Variants in PCDH9 observed in about 807,000 individuals in gnomAD.
The protein encoded by PCDH9 is protocadherin 9.
Under a neutral mutation model 70.6 loss-of-function variants are expected in PCDH9, and 24 were observed. The observed-to-expected ratio is 0.34, with a 90% CI of 0.25 to 0.48. The LOEUF is 0.48. PCDH9 is among the 20% of genes least tolerant of loss of function. PCDH9 has a pLI of 0.99. For missense variants in PCDH9, 1,281 were observed against 1,503.6 expected (o/e 0.85, Z 2.45); for synonymous variants, 562 against 558.5 (o/e 1.01, Z -0.09).
intron 2 of PCDH9, among the ~76,000 whole-genome samples, chr13:67,142,771 C>T (rs976536158): frequency 2.0e-5 from 3 of 150,518 alleles, no homozygotes; most frequent in Non-Finnish European, 3.0e-5. Flanking sequence ...GAGGCCGAGG[C>T]GGGCGGACCA....
chr13:66,950,387 T>C (rs1226264233), intron 2 of PCDH9, among the ~76,000 whole-genome samples: 1 of 152,152 alleles, frequency 6.6e-6, no homozygotes, highest in Non-Finnish European at 1.5e-5. Context: ...AAAATCACTA[T>C]TGTTATGCTA....
intron 3 of PCDH9, among the ~76,000 whole-genome samples, chr13:66,890,479 C>A: frequency 7.8e-6 from 1 of 128,664 alleles, no homozygotes; most frequent in Admixed American, 8.5e-5. Context: ...TTGGTTAAGG[C>A]ATTTACTCTA....
At chr13:67,147,119 AT>A (rs2087541397) in intron 2 of PCDH9, among the ~76,000 whole-genome samples, 1 of 152,086 alleles carries the variant, frequency 6.6e-6, no homozygotes, top group African/African-American at 2.4e-5. Flanking sequence ...GCATTTTTTT[AT>A]TCTGCAAGTA....
intron 3 of PCDH9, among the ~76,000 whole-genome samples, chr13:66,746,744 A>G (rs1827586637): frequency 6.6e-6 from 1 of 152,206 alleles, no homozygotes; most frequent in Non-Finnish European, 1.5e-5. Context: ...GTAGTAATAA[A>G]TATTTTCACT....
chr13:66,974,970 A>G (rs1324466169), intron 2 of PCDH9, among the ~76,000 whole-genome samples: 1 of 152,066 alleles, frequency 6.6e-6, no homozygotes, highest in Non-Finnish European at 1.5e-5. Context: ...TGACACTAAT[A>G]AAAGCCTGTC....
intron 3 of PCDH9, among the ~76,000 whole-genome samples, chr13:66,830,437 G>A (rs1237195351): frequency 2.0e-5 from 3 of 151,896 alleles, no homozygotes; most frequent in South Asian, 2.1e-4. Flanking sequence ...AATTCTCAAC[G>A]TTAATAAATA....
chr13:67,092,505 A>T (rs1454459552), intron 2 of PCDH9, among the ~76,000 whole-genome samples: 4 of 152,198 alleles, frequency 2.6e-5, no homozygotes, highest in Non-Finnish European at 5.9e-5. Flanking sequence ...CTAAGAGAGC[A>T]AAGCAAAAAT....
intron 2 of PCDH9, among the ~76,000 whole-genome samples, chr13:67,090,693 T>C (rs766608576): frequency 3.3e-5 from 5 of 151,906 alleles, no homozygotes; most frequent in Non-Finnish European, 7.4e-5. Flanking sequence ...AAAAAAATCA[T>C]TAAGCATATC....
intron 2 of PCDH9, among the ~76,000 whole-genome samples, chr13:67,123,967 A>C (rs770094257): frequency 1.3e-5 from 2 of 152,066 alleles, no homozygotes; most frequent in Non-Finnish European, 2.9e-5. Flanking sequence ...TTCACAAAAT[A>C]TCTGAAGAGT....
At chr13:66,774,337 CCTT>C (rs997070789) in intron 3 of PCDH9, among the ~76,000 whole-genome samples, 1 of 152,096 alleles carries the variant, frequency 6.6e-6, no homozygotes, top group Non-Finnish European at 1.5e-5. Context: ...ATGTGAATCA[CCTT>C]CTGCTTCTGT....
intron 4 of PCDH9, among the ~76,000 whole-genome samples, chr13:66,558,055 T>C (rs1366267009): frequency 6.6e-6 from 1 of 152,106 alleles, no homozygotes; most frequent in Non-Finnish European, 1.5e-5. Context: ...CTCAGGAGCC[T>C]GAGGCAGAAG....
In PCDH9 at chr13:66,339,226, GAAC is replaced by G. The variant is rs201140504; in HGVS notation, c.3341-34201_3341-34199del. Among the ~76,000 whole-genome samples the G allele has an allele frequency of 6.9e-3, 923 of 133,728 alleles. 5 individuals are homozygous for G. The highest frequency in any genetic ancestry group is 0.019 in the Middle Eastern group (5 of 258). The allele number at this position is 133,728 out of a possible 152,430, so 87.7% of individuals were successfully genotyped here. On this transcript the variant is annotated intron_variant, in intron 4 of 4. Transcript: ENST00000377865. The stretch of plus-strand genomic sequence containing the variant: ...TCATTTTTATTGTCTGTAGTAATGA[GAAC>G]AACAACAACAAAAAAACAGTATTAC...
intron 4 of PCDH9, among the ~76,000 whole-genome samples, chr13:66,449,397 C>A (rs1430654325): frequency 6.6e-6 from 1 of 151,920 alleles, no homozygotes; most frequent in East Asian, 1.9e-4. Flanking sequence ...TCTCTTTTTT[C>A]TTCTACTGTA....
intron 2 of PCDH9, among the ~76,000 whole-genome samples, chr13:67,121,143 T>G (rs2086870841): frequency 6.6e-6 from 1 of 152,182 alleles, no homozygotes; most frequent in African/African-American, 2.4e-5. Flanking sequence ...GATAATCTTT[T>G]CATCTTTTTC....
chr13:66,369,383 C>T (rs937090607), intron 4 of PCDH9, among the ~76,000 whole-genome samples: 3 of 152,056 alleles, frequency 2.0e-5, no homozygotes, highest in Non-Finnish European at 2.9e-5. Context: ...TATGACATAA[C>T]ATTAGAATCA....
chr13:66,394,004 TAG>T (rs767119796), intron 4 of PCDH9, among the ~76,000 whole-genome samples: 6 of 152,116 alleles, frequency 3.9e-5, no homozygotes, highest in Non-Finnish European at 8.8e-5. Context: ...ACGGGAGAAA[TAG>T]AGGGTTGTGA....
intron 4 of PCDH9, among the ~76,000 whole-genome samples, chr13:66,513,762 A>AAATAAGT (rs1959600403): frequency 6.7e-6 from 1 of 150,062 alleles, no homozygotes; most frequent in African/African-American, 2.4e-5. Flanking sequence ...TATGCCCTTG[A>AAATAAGT]AATAAGTTGA....
intron 4 of PCDH9, among the ~76,000 whole-genome samples, chr13:66,597,616 C>A (rs1474831442): frequency 4.0e-5 from 6 of 151,684 alleles, no homozygotes; most frequent in Non-Finnish European, 7.4e-5. Context: ...AGACCCGAAA[C>A]CATAAAACTC....
intron 2 of PCDH9, among the ~76,000 whole-genome samples, chr13:66,917,920 A>G (rs2082581474): frequency 1.3e-5 from 2 of 151,370 alleles, no homozygotes; most frequent in South Asian, 2.1e-4. Context: ...CTCCCCTACA[A>G]AACAGGTACA....
Sources: allele counts gnomAD v4.1 joint callset (sites outside exome capture counted in the v4.1 genomes callset), GRCh38; gene constraint gnomAD v4.1.1; transcripts MANE v1.5; gene names NCBI Gene and HGNC (gene_info 2026-07-23, HGNC 2026-07-21).